Variants in NFIC observed in about 807,000 individuals in gnomAD.
NFIC encodes the protein nuclear factor I C.
NFIC carries 12 observed loss-of-function variants against 54.4 expected under a neutral mutation model. The ratio of observed to expected loss-of-function variants is 0.22; its 90% confidence interval spans 0.14 to 0.36. The LOEUF (loss-of-function observed/expected upper bound fraction) is 0.36, where lower values mean the gene tolerates loss of function less well. Among genes scored for constraint, NFIC ranks in the 10% least tolerant of loss-of-function variants. NFIC has a pLI of 1.00. For missense variants in NFIC, 575 were observed against 718.2 expected (o/e 0.80, Z 2.28); for synonymous variants, 322 against 319.2 (o/e 1.01, Z -0.09).
Position 3,463,393 on chromosome 19 carries a change from G to C in NFIC, c.*624G>C. On this transcript the variant is annotated 3_prime_UTR_variant, in exon 11 of 11. Transcript: ENST00000443272. ...CAGCGGAGACCGCAGAGGCGGGCAGGGTGGGGCAGGCGAGTGGTGTCGCGG... is the reference window on the plus strand; with the variant it reads ...CAGCGGAGACCGCAGAGGCGGGCAGCGTGGGGCAGGCGAGTGGTGTCGCGG... The C allele has an allele frequency of 5.1e-6, 5 of 985,786 alleles. No homozygotes were observed. Among genetic ancestry groups the C allele is most frequent in the Non-Finnish European group, 6.0e-6 (5 of 830,218 alleles). 61.1% of individuals were successfully genotyped at this position (985,786 alleles called of 1,614,324 possible).
intron 2 of NFIC, among the ~76,000 whole-genome samples, chr19:3,401,731 C>T (rs12973483): frequency 0.7 from 82,281 of 118,070 alleles, 24,800 homozygotes; most frequent in African/African-American, 0.83. Context: ...CTTTTTTTTT[C>T]TCTTTTTTTA....
intron 3 of NFIC, among the ~76,000 whole-genome samples, chr19:3,432,090 A>C (rs1484158976): frequency 6.6e-6 from 1 of 152,152 alleles, no homozygotes; most frequent in Non-Finnish European, 1.5e-5. Context: ...ACGCCTGTTG[A>C]GTCCATGAAT....
chr19:3,455,914 G>A (rs925716140), intron 9 of NFIC, among the ~76,000 whole-genome samples: 3 of 151,856 alleles, frequency 2.0e-5, no homozygotes, highest in African/African-American at 7.3e-5. Flanking sequence ...CATAAGCCTC[G>A]CTGCCTCCAG....
intron 2 of NFIC, 41 bp from the exon 3 acceptor site, chr19:3,425,065 G>C: frequency 6.2e-7 from 1 of 1,607,184 alleles, no homozygotes; most frequent in Non-Finnish European, 8.5e-7. Context: ...CTGGGGTGGG[G>C]TCTCTGTGAT....
Position 3,421,738 on chromosome 19 carries a change from TATC to T in NFIC, c.563-3365_563-3363del, listed in dbSNP as rs1415797165. On this transcript the variant is annotated intron_variant, in intron 2 of 10. Coordinates refer to ENST00000443272, the MANE Select transcript of NFIC (RefSeq NM_001245002.2). ...TCCAGAGGCTCCGTGCGCTAGGAAA[TATC>T]ATTGCTTTGATCATTCTCACAGCAA... Among the ~76,000 whole-genome samples the T allele has an allele frequency of 1.3e-5, 2 of 152,276 alleles. 1 individual carries two copies. The highest frequency in any genetic ancestry group is 4.8e-5 in the African/African-American group (2 of 41,554).
intron 2 of NFIC, among the ~76,000 whole-genome samples, chr19:3,395,806 G>A (rs138300046): frequency 0.026 from 3,877 of 151,862 alleles, 177 homozygotes; most frequent in African/African-American, 0.089. Flanking sequence ...TCAGCCTCCC[G>A]AGTACCTGGG....
At chr19:3,439,663 C>T (rs2082261494) in intron 6 of NFIC, among the ~76,000 whole-genome samples, 1 of 150,982 alleles carries the variant, frequency 6.6e-6, no homozygotes, top group Admixed American at 6.6e-5. Flanking sequence ...GCCTTGATAT[C>T]CCAGTGAAGA....
chr19:3,376,088 G>A (rs1008831722), intron 1 of NFIC, among the ~76,000 whole-genome samples: 1 of 152,120 alleles, frequency 6.6e-6, no homozygotes, highest in Admixed American at 6.6e-5. Flanking sequence ...AACACGGAGC[G>A]GGGCCTCAGG....
At chr19:3,432,110 A>G (rs1239304450) in intron 3 of NFIC, among the ~76,000 whole-genome samples, 3 of 152,068 alleles carry the variant, frequency 2.0e-5, no homozygotes, top group Non-Finnish European at 2.9e-5. Flanking sequence ...TCCCTCCTAC[A>G]AGGGCGTCCG....
intron 2 of NFIC, among the ~76,000 whole-genome samples, chr19:3,386,349 G>A (rs1295405495): frequency 8.2e-6 from 1 of 121,516 alleles, no homozygotes; most frequent in Non-Finnish European, 1.7e-5. Flanking sequence ...TTGAGATAGG[G>A]TCTCACTCTG....
chr19:3,384,254 A>G (rs1329192084), intron 2 of NFIC, among the ~76,000 whole-genome samples: 1 of 151,296 alleles, frequency 6.6e-6, no homozygotes, highest in African/African-American at 2.4e-5. Flanking sequence ...TTTTGTAGAG[A>G]CAGGGTCTTG....
chr19:3,448,552 C>G (rs1271646203), intron 6 of NFIC, among the ~76,000 whole-genome samples: 1 of 152,184 alleles, frequency 6.6e-6, no homozygotes, highest in Non-Finnish European at 1.5e-5. Flanking sequence ...AGGGAGGCTC[C>G]GTTCCTTCCT....
chr19:3,443,338 G>C (rs539917061), intron 6 of NFIC, among the ~76,000 whole-genome samples: 1 of 151,880 alleles, frequency 6.6e-6, no homozygotes, highest in Admixed American at 6.6e-5. Flanking sequence ...TGGGAGGATC[G>C]CTTGAGCCCA....
intron 2 of NFIC, among the ~76,000 whole-genome samples, chr19:3,389,458 G>A (rs1025513506): frequency 1.3e-5 from 2 of 152,164 alleles, no homozygotes; most frequent in African/African-American, 2.4e-5. Flanking sequence ...TCTTCATCCC[G>A]GTTGTGGGTG....
chr19:3,419,786 G>A (rs1434108954), intron 2 of NFIC, among the ~76,000 whole-genome samples: 4 of 141,640 alleles, frequency 2.8e-5, no homozygotes, highest in Admixed American at 7.2e-5. Context: ...GCGACACAGC[G>A]ATACTCTGTT....
At chr19:3,433,443 C>A in intron 3 of NFIC, 75 bp from the exon 4 acceptor site, 2 of 1,519,882 alleles carry the variant, frequency 1.3e-6, no homozygotes, top group South Asian at 1.1e-5. Flanking sequence ...CCCCAGGAGT[C>A]CAGGCAGCCC....
At chr19:3,456,509 A>AC in intron 9 of NFIC, 41 bp from the exon 10 acceptor site, 5 of 1,545,178 alleles carry the variant, frequency 3.2e-6, no homozygotes, top group Non-Finnish European at 4.4e-6. Flanking sequence ...GGCTCCCACA[A>AC]CCCCTCGCTA....
intron 2 of NFIC, among the ~76,000 whole-genome samples, chr19:3,422,149 TG>T (rs767274683): frequency 5.3e-5 from 8 of 152,218 alleles, no homozygotes; most frequent in Non-Finnish European, 8.8e-5. Flanking sequence ...TTGATCAGGC[TG>T]GTCTCAAACT....
At chr19:3,412,358 ACCT>A (rs1426562084) in intron 2 of NFIC, among the ~76,000 whole-genome samples, 1 of 152,030 alleles carries the variant, frequency 6.6e-6, no homozygotes, top group Non-Finnish European at 1.5e-5. Flanking sequence ...AGCCATCCCC[ACCT>A]CAGCCTCCCA....
Sources: allele counts gnomAD v4.1 joint callset (sites outside exome capture counted in the v4.1 genomes callset), GRCh38; gene constraint gnomAD v4.1.1; transcripts MANE v1.5; gene names NCBI Gene and HGNC (gene_info 2026-07-23, HGNC 2026-07-21).